Variants in ADAMTSL1 observed in about 807,000 individuals in gnomAD.
ADAMTSL1 encodes the protein ADAMTS like 1.
Under a neutral mutation model 201.8 loss-of-function variants are expected in ADAMTSL1, and 126 were observed. The observed-to-expected ratio is 0.62, with a 90% CI of 0.54 to 0.72. ADAMTSL1 has a LOEUF of 0.72. ADAMTSL1 is among the 30% of genes least tolerant of loss of function. ADAMTSL1 has a pLI of 0.00. For missense variants in ADAMTSL1, 2,679 were observed against 2,277.8 expected, an observed-to-expected ratio of 1.18 and a Z score of -3.59; for synonymous variants, 1,121 against 903.4, an observed-to-expected ratio of 1.24 and a Z score of -4.32.
chr9:18,371,268 A>G lies in ADAMTSL1; in HGVS notation c.208-133561A>G, dbSNP rs559100806. ...TTGAATCAAGTTTGCTTTTTGATAT[A>G]AAGTTCAGCATAGCTATCATGCATT... On this transcript the variant is annotated intron_variant, in intron 2 of 29. Transcript: ENST00000680146. 7.9e-5 allele frequency among the ~76,000 whole-genome samples: 12 copies of G among 152,282 alleles called. No homozygotes were observed. In the East Asian group the frequency reaches 2.3e-3, roughly 29 times the overall value.
intron 2 of ADAMTSL1, among the ~76,000 whole-genome samples, chr9:18,331,373 C>A (rs1835021098): frequency 6.6e-6 from 1 of 152,146 alleles, no homozygotes; most frequent in South Asian, 2.1e-4. Context: ...ATCATCTATC[C>A]CCACTGTGTT....
chr9:17,960,172 C>T (rs1157900708), intron 1 of ADAMTSL1, among the ~76,000 whole-genome samples: 5 of 152,142 alleles, frequency 3.3e-5, no homozygotes, highest in Non-Finnish European at 7.3e-5. Context: ...TCTAGCTCAA[C>T]CATCATGGCT....
intron 2 of ADAMTSL1, among the ~76,000 whole-genome samples, chr9:18,175,694 C>T (rs1828114260): frequency 6.6e-6 from 1 of 152,102 alleles, no homozygotes; most frequent in African/African-American, 2.4e-5. Flanking sequence ...TTAACTCAAT[C>T]CAAGTCCTAC....
chr9:18,486,096 G>C (rs1821976729), intron 1 of ADAMTSL1, among the ~76,000 whole-genome samples: 1 of 152,188 alleles, frequency 6.6e-6, no homozygotes, highest in Admixed American at 6.5e-5. Flanking sequence ...CCACTGTTTA[G>C]CATAGAACCA....
chr9:18,122,667 T>A (rs1825551472), intron 1 of ADAMTSL1, among the ~76,000 whole-genome samples: 1 of 152,196 alleles, frequency 6.6e-6, no homozygotes, highest in South Asian at 2.1e-4. Context: ...AGGAATATAT[T>A]CATAGAGATT....
At chr9:18,555,636 G>C (rs1388010837) in intron 3 of ADAMTSL1, among the ~76,000 whole-genome samples, 1 of 151,984 alleles carries the variant, frequency 6.6e-6, no homozygotes, top group East Asian at 1.9e-4. Context: ...GGGTGCTATG[G>C]CATCCCAGAG....
chr9:18,112,357 C>T (rs890778500), intron 1 of ADAMTSL1, among the ~76,000 whole-genome samples: 1 of 152,096 alleles, frequency 6.6e-6, no homozygotes, highest in African/African-American at 2.4e-5. Context: ...GTATAGTGTG[C>T]TTCAGCTCCC....
intron 2 of ADAMTSL1, among the ~76,000 whole-genome samples, chr9:18,241,103 T>TC (rs1831044740): frequency 6.6e-6 from 1 of 152,196 alleles, no homozygotes; most frequent in Non-Finnish European, 1.5e-5. Context: ...ATTTTTAATT[T>TC]CCTTCAAGAA....
At chr9:17,980,300 C>T (rs890117291) in intron 1 of ADAMTSL1, among the ~76,000 whole-genome samples, 4 of 152,076 alleles carry the variant, frequency 2.6e-5, no homozygotes, top group African/African-American at 7.2e-5. Context: ...TCCTATTCTT[C>T]CATCTTGCTG....
intron 4 of ADAMTSL1, among the ~76,000 whole-genome samples, chr9:18,618,281 G>A (rs927217190): frequency 1.3e-4 from 20 of 152,212 alleles, no homozygotes; most frequent in African/African-American, 2.4e-4. Flanking sequence ...TTGCAGACTC[G>A]TATGTCAATG....
intron 2 of ADAMTSL1, among the ~76,000 whole-genome samples, chr9:18,419,967 ATCCACCCGCCTCGGCCT>A (rs1818867619): frequency 6.6e-6 from 1 of 151,920 alleles, no homozygotes; most frequent in African/African-American, 2.4e-5. Flanking sequence ...TGACCTGGTG[ATCCACCCGCCTCGGCCT>A]TCCAAAGTGC....
At chr9:17,917,372 C>A (rs1826137416) in intron 1 of ADAMTSL1, among the ~76,000 whole-genome samples, 1 of 151,904 alleles carries the variant, frequency 6.6e-6, no homozygotes, top group Admixed American at 6.6e-5. Flanking sequence ...TGTAGATGCT[C>A]TTTATGTCTG....
intron 2 of ADAMTSL1, among the ~76,000 whole-genome samples, chr9:18,523,196 GA>G (rs1156957519): frequency 1.3e-5 from 2 of 152,200 alleles, no homozygotes; most frequent in Admixed American, 6.5e-5. Flanking sequence ...GGCCAGTGAT[GA>G]TGAGCATTTT....
intron 2 of ADAMTSL1, among the ~76,000 whole-genome samples, chr9:18,262,291 G>C (rs890325143): frequency 1.1e-4 from 17 of 152,078 alleles, no homozygotes; most frequent in Non-Finnish European, 1.3e-4. Flanking sequence ...AACACCCAAG[G>C]CCCTTATAAA....
At chr9:18,893,913 G>T (rs1164767781) in intron 26 of ADAMTSL1, among the ~76,000 whole-genome samples, 2 of 152,220 alleles carry the variant, frequency 1.3e-5, no homozygotes, top group Non-Finnish European at 2.9e-5. Context: ...CTGGCTTCAT[G>T]TAATAATTCA....
chr9:18,047,619 TG>T (rs1821727232), intron 1 of ADAMTSL1, among the ~76,000 whole-genome samples: 1 of 151,332 alleles, frequency 6.6e-6, no homozygotes, highest in African/African-American at 2.4e-5. Context: ...GTCTTGGGGG[TG>T]GGGTGGGGTG....
chr9:18,895,307 C>T (rs953573902), intron 26 of ADAMTSL1, among the ~76,000 whole-genome samples: 11 of 152,184 alleles, frequency 7.2e-5, no homozygotes, highest in Non-Finnish European at 1.0e-4. Context: ...GCTAAACTAA[C>T]CTTATAAGTG....
At chr9:18,205,771 C>T (rs145280674) in intron 2 of ADAMTSL1, among the ~76,000 whole-genome samples, 2 of 152,138 alleles carry the variant, frequency 1.3e-5, no homozygotes, top group Admixed American at 6.5e-5. Flanking sequence ...AAGCCACGTA[C>T]GGCCAGGCAC....
chr9:18,308,732 T>C (rs1275965483), intron 2 of ADAMTSL1, among the ~76,000 whole-genome samples: 1 of 152,122 alleles, frequency 6.6e-6, no homozygotes, highest in Non-Finnish European at 1.5e-5. Flanking sequence ...GCCAGATGGA[T>C]TCACAGCCGA....
Sources: allele counts gnomAD v4.1 joint callset (sites outside exome capture counted in the v4.1 genomes callset), GRCh38; gene constraint gnomAD v4.1.1; transcripts MANE v1.5; gene names NCBI Gene and HGNC (gene_info 2026-07-23, HGNC 2026-07-21).